ARMC10: variants seen among roughly 807,000 people sequenced by gnomAD.
ARMC10 encodes armadillo repeat containing 10, also known as armadillo repeat-containing protein 10.
ARMC10 carries 23 observed loss-of-function variants against 30.2 expected under a neutral mutation model. The ratio of observed to expected loss-of-function variants is 0.76; its 90% CI spans 0.55 to 1.08. The LOEUF is 1.08. Among genes scored for constraint, ARMC10 ranks in the 50% least tolerant of loss-of-function variants. The pLI is 0.00. For synonymous variants in ARMC10, 111 were observed against 164.4 expected, an observed-to-expected ratio of 0.68 and a Z score of 2.48; for missense variants, 303 against 413.7, an observed-to-expected ratio of 0.73 and a Z score of 2.32.
chr7:103,078,321 G>A (rs554984816), intron 2 of ARMC10, among the ~76,000 whole-genome samples: 7 of 152,322 alleles, frequency 4.6e-5, no homozygotes, highest in Non-Finnish European at 8.8e-5. Context: ...TCGTGGGAGG[G>A]ACCCGGTGGA....
chr7:103,090,708 T>G (rs1801237722), intron 4 of ARMC10, among the ~76,000 whole-genome samples: 1 of 142,054 alleles, frequency 7.0e-6, no homozygotes, highest in Non-Finnish European at 1.5e-5. Flanking sequence ...TGTTGACCAG[T>G]TTGGGTGAGA....
intron 4 of ARMC10, among the ~76,000 whole-genome samples, chr7:103,091,717 G>A (rs186048386): frequency 4.7e-4 from 72 of 152,240 alleles, no homozygotes; most frequent in African/African-American, 1.7e-3. Context: ...ATCCCAGTGT[G>A]CGCAGACCGC....
At chr7:103,082,472 A>C (rs1016445456) in intron 2 of ARMC10, among the ~76,000 whole-genome samples, 1 of 147,668 alleles carries the variant, frequency 6.8e-6, no homozygotes, top group African/African-American at 2.5e-5. Context: ...CCCACTACCC[A>C]AAAATAATCA....
chr7:103,094,336 GA>G (rs944888464), intron 5 of ARMC10, among the ~76,000 whole-genome samples: 2 of 151,448 alleles, frequency 1.3e-5, no homozygotes, highest in Non-Finnish European at 2.9e-5. Flanking sequence ...ATGTGACGAG[GA>G]AAAAAAACAT....
At chr7:103,078,007 T>C (rs1800043092) in intron 2 of ARMC10, among the ~76,000 whole-genome samples, 1 of 152,190 alleles carries the variant, frequency 6.6e-6, no homozygotes, top group South Asian at 2.1e-4. Flanking sequence ...TCTTTTTCTT[T>C]TTTTTTGAGA....
At chr7:103,086,955 T>A in intron 4 of ARMC10, 191 bp downstream of exon 4, 2 of 1,437,058 alleles carry the variant, frequency 1.4e-6, no homozygotes, top group Non-Finnish European at 1.8e-6. Context: ...AAGACTTTTG[T>A]TTCAGTAAAA....
At chr7:103,085,364 G>A (rs951020791) in intron 3 of ARMC10, among the ~76,000 whole-genome samples, 3 of 151,952 alleles carry the variant, frequency 2.0e-5, no homozygotes, top group East Asian at 1.9e-4. Context: ...CACCCTTAAC[G>A]GTAAAATGGA....
chr7:103,089,994 A>T (rs928714605), intron 4 of ARMC10, among the ~76,000 whole-genome samples: 24 of 152,204 alleles, frequency 1.6e-4, no homozygotes, highest in Admixed American at 6.5e-5. Flanking sequence ...GTAAAACATG[A>T]TTGAGTACAT....
At chr7:103,075,995 G>T in intron 2 of ARMC10, 114 bp downstream of exon 2, 1 of 663,992 alleles carries the variant, frequency 1.5e-6, no homozygotes, top group Non-Finnish European at 2.3e-6. Flanking sequence ...ACCCTCCAAA[G>T]GCATGTTTCA....
intron 3 of ARMC10, 116 bp from the exon 4 acceptor site, chr7:103,086,514 A>G (rs944278727): frequency 1.0e-4 from 116 of 1,133,826 alleles, no homozygotes; most frequent in Non-Finnish European, 1.4e-4. Flanking sequence ...TATATGGGAA[A>G]GAGATTTCCA....
At chr7:103,088,840 T>C (rs781605359) in intron 4 of ARMC10, 2 of 160,602 alleles carry the variant, frequency 1.2e-5, no homozygotes, top group Non-Finnish European at 2.9e-5. Flanking sequence ...TTGAGGAAAA[T>C]AGAGTAACGA....
chr7:103,079,560 A>T (rs1001994343), intron 2 of ARMC10, among the ~76,000 whole-genome samples: 5 of 152,230 alleles, frequency 3.3e-5, no homozygotes, highest in African/African-American at 9.6e-5. Context: ...TCATAGCTTG[A>T]TAAGAAAACA....
chr7:103,083,326 T>G (rs1326330762), intron 2 of ARMC10, among the ~76,000 whole-genome samples: 1 of 152,158 alleles, frequency 6.6e-6, no homozygotes, highest in African/African-American at 2.4e-5. Flanking sequence ...TTTTAAAAAT[T>G]TTAAAAAAAC....
intron 5 of ARMC10, 126 bp downstream of exon 5, chr7:103,092,779 T>G: frequency 6.9e-6 from 4 of 579,300 alleles, no homozygotes; most frequent in Non-Finnish European, 8.0e-6. Flanking sequence ...GAAAGTATAT[T>G]ATTTTTAGTC....
chr7:103,083,428 G>C (rs533354621), intron 2 of ARMC10, among the ~76,000 whole-genome samples: 1 of 152,288 alleles, frequency 6.6e-6, no homozygotes, highest in Admixed American at 6.5e-5. Flanking sequence ...AGACCAGCCT[G>C]GGCAACATAG....
At chr7:103,096,964 A>T (rs2193418) in intron 5 of ARMC10, 1 of 336,606 alleles carries the variant, frequency 3.0e-6, no homozygotes, top group South Asian at 9.5e-5. Flanking sequence ...CTCTGTGATA[A>T]GTTCTCTAAG....
intron 4 of ARMC10, among the ~76,000 whole-genome samples, chr7:103,091,876 T>C (rs1300826102): frequency 6.6e-6 from 1 of 152,190 alleles, no homozygotes; most frequent in East Asian, 1.9e-4. Flanking sequence ...CTTTAAAGAC[T>C]TAAAAGTCCT....
chr7:103,080,260 G>T (rs1450269914), intron 2 of ARMC10, among the ~76,000 whole-genome samples: 2 of 152,122 alleles, frequency 1.3e-5, no homozygotes, highest in Admixed American at 1.3e-4. Context: ...TTTTTGTTTT[G>T]TTTTGTTGTT....
intron 4 of ARMC10, 44 bp downstream of exon 4, chr7:103,086,808 T>C (rs776351725): frequency 1.9e-6 from 3 of 1,581,024 alleles, no homozygotes; most frequent in Admixed American, 1.9e-5. Context: ...TTTCTATAAA[T>C]AAAAAATAAC....
Sources: allele counts gnomAD v4.1 joint callset (sites outside exome capture counted in the v4.1 genomes callset), GRCh38; gene constraint gnomAD v4.1.1; transcripts MANE v1.5; gene names NCBI Gene and HGNC (gene_info 2026-07-23, HGNC 2026-07-21).